ATP13A3: variants seen among roughly 807,000 people sequenced by gnomAD.
ATP13A3 encodes the protein ATPase 13A3.
ATP13A3 carries 59 observed loss-of-function variants against 158.1 expected under a neutral mutation model. The observed-to-expected ratio is 0.37, with a 90% CI of 0.30 to 0.46. The LOEUF (loss-of-function observed/expected upper bound fraction) is 0.46, where lower values mean the gene tolerates loss of function less well. ATP13A3 is among the 20% of genes least tolerant of loss of function. ATP13A3 has a pLI of 1.00. For missense variants in ATP13A3, 1,166 were observed against 1,525.2 expected, an observed-to-expected ratio of 0.76 and a Z score of 3.92; for synonymous variants, 491 against 504.3, an observed-to-expected ratio of 0.97 and a Z score of 0.35.
intron 2 of ATP13A3, among the ~76,000 whole-genome samples, chr3:194,473,784 C>T (rs774622860): frequency 1.5e-4 from 23 of 151,976 alleles, no homozygotes; most frequent in Non-Finnish European, 2.4e-4. Context: ...CCCACCTGAA[C>T]GTCCATCAAT....
In ATP13A3 at chr3:194,414,411, C is replaced by T. The variant is rs551088492; in HGVS notation, c.3403-572G>A. Among the ~76,000 whole-genome samples, 21 of 150,270 alleles carry T rather than the reference C, an allele frequency of 1.4e-4. No individual in the cohort carries two copies. In the South Asian group the frequency reaches 3.8e-3, roughly 27 times the overall value. ...CTGGGAAGTGGAGGCTGCAGTGAGCCGAGATCCTGCCACTGTACTCCAGCG... is the reference window on the plus strand; with the variant it reads ...CTGGGAAGTGGAGGCTGCAGTGAGCTGAGATCCTGCCACTGTACTCCAGCG... On this transcript the variant is annotated intron_variant, in intron 31 of 33. Coordinates refer to ENST00000645319, the MANE Select transcript of ATP13A3 (RefSeq NM_001367549.1).
At chr3:194,420,169 G>T in intron 30 of ATP13A3, 1 of 353,416 alleles carries the variant, frequency 2.8e-6, no homozygotes, top group Non-Finnish European at 4.7e-6. Flanking sequence ...CATACACAAC[G>T]TGATGTTATG....
chr3:194,424,402 C>T (rs936419878), intron 30 of ATP13A3: 11 of 151,718 alleles, frequency 7.3e-5, no homozygotes, highest in Non-Finnish European at 1.2e-4. Context: ...GTAATCTTAC[C>T]TGCACAAAAT....
chr3:194,476,299 T>C (rs906272920), intron 2 of ATP13A3, among the ~76,000 whole-genome samples: 5 of 152,180 alleles, frequency 3.3e-5, no homozygotes, highest in African/African-American at 1.2e-4. Context: ...ACCATCGCGA[T>C]GGCAACTACC....
intron 4 of ATP13A3, among the ~76,000 whole-genome samples, 199 bp from the exon 5 acceptor site, chr3:194,460,170 TTA>T (rs1373657676): frequency 1.3e-5 from 2 of 152,336 alleles, no homozygotes; most frequent in East Asian, 3.9e-4. Context: ...CTCATGGTTT[TTA>T]TGACATATTT....
At chr3:194,446,865 T>C (rs1718443144) in intron 14 of ATP13A3, 62 bp downstream of exon 14, 6 of 1,388,900 alleles carry the variant, frequency 4.3e-6, no homozygotes, top group Non-Finnish European at 5.8e-6. Flanking sequence ...ATAAAAAACA[T>C]TGATCTAAAT....
At chr3:194,463,620 C>T (rs1222063469) in intron 2 of ATP13A3, among the ~76,000 whole-genome samples, 3 of 152,152 alleles carry the variant, frequency 2.0e-5, no homozygotes, top group African/African-American at 7.2e-5. Context: ...TTACTGCCTT[C>T]GTTTCAGATC....
At position 194,437,191 on chromosome 3, in the gene ATP13A3, A is replaced by T; in HGVS notation, c.2024T>A (p.Leu675Ter). Residue 675 changes from leucine (L) to a stop codon, truncating the protein, a stop_gained, in exon 20 of 34, where the codon TTG (leucine) becomes TAG (stop). Coordinates refer to ENST00000645319, the MANE Select transcript of ATP13A3 (RefSeq NM_001367549.1). LOFTEE classifies it high-confidence loss of function. ...GAAGCCCTGTTTAGTGAAGTCTTCCAAAACGTTTTGAAAATCGACAGGAAC... is the reference window on the plus strand; with the variant it reads ...GAAGCCCTGTTTAGTGAAGTCTTCCTAAACGTTTTGAAAATCGACAGGAAC... ...ETVPVDFQNV[L>*]EDFTKQGFRV... The T allele has an allele frequency of 6.2e-7, 1 of 1,614,098 alleles. No homozygotes were observed. Among genetic ancestry groups the T allele is most frequent in the Non-Finnish European group, 8.5e-7 (1 of 1,179,936 alleles).
Position 194,402,724 on chromosome 3 carries a change from T to C in ATP13A3, c.*3195A>G, listed in dbSNP as rs1239633384. 6.6e-6 allele frequency: 1 copy of C among 152,192 alleles called. No individual in the cohort carries two copies. Among genetic ancestry groups the C allele is most frequent in the Non-Finnish European group, 1.5e-5 (1 of 68,038 alleles). The allele number at this position is 152,192 out of a possible 1,614,324, so 9.4% of individuals were successfully genotyped here. On this transcript the variant is annotated 3_prime_UTR_variant, in exon 34 of 34. Coordinates refer to ENST00000645319, the MANE Select transcript of ATP13A3 (RefSeq NM_001367549.1). ...TTTGAATAGCTTCAATCAAAAAAGG[T>C]TTCATAAGATTATTTACAATGCTGA...
chr3:194,475,471 G>C (rs1720484914), intron 2 of ATP13A3, among the ~76,000 whole-genome samples: 2 of 152,230 alleles, frequency 1.3e-5, no homozygotes, highest in Non-Finnish European at 2.9e-5. Flanking sequence ...TCAACTTTAA[G>C]TTACATGAAT....
At chr3:194,425,880 T>A (rs922639453) in intron 29 of ATP13A3, among the ~76,000 whole-genome samples, 20 of 152,180 alleles carry the variant, frequency 1.3e-4, no homozygotes, top group African/African-American at 4.8e-4. Context: ...TGAGGAAATA[T>A]TATTCACTCT....
chr3:194,441,784 CCT>C (rs1305015408), intron 15 of ATP13A3, among the ~76,000 whole-genome samples: 2 of 152,056 alleles, frequency 1.3e-5, no homozygotes, highest in African/African-American at 2.4e-5. Context: ...TGAAAGGATC[CCT>C]CTGACTCAGG....
At chr3:194,417,611 A>C (rs1288757102) in intron 31 of ATP13A3, among the ~76,000 whole-genome samples, 2 of 152,126 alleles carry the variant, frequency 1.3e-5, no homozygotes, top group East Asian at 3.9e-4. Flanking sequence ...AAACAACAAA[A>C]TATGGAGTCC....
intron 10 of ATP13A3, 131 bp from the exon 11 acceptor site, chr3:194,450,407 A>G (rs1718722340): frequency 1.2e-6 from 1 of 866,258 alleles, no homozygotes; most frequent in African/African-American, 1.7e-5. Flanking sequence ...AAAATCCAAC[A>G]AATGGCAAGT....
At chr3:194,429,295 T>C (rs972097647) in intron 27 of ATP13A3, among the ~76,000 whole-genome samples, 8 of 152,174 alleles carry the variant, frequency 5.3e-5, no homozygotes, top group South Asian at 2.1e-4. Flanking sequence ...ATATTCAACG[T>C]TGTAAATTAG....
chr3:194,462,009 G>T, intron 3 of ATP13A3, 131 bp downstream of exon 3: 2 of 788,874 alleles, frequency 2.5e-6, no homozygotes, highest in Non-Finnish European at 4.3e-6. Context: ...AAAAGCACAG[G>T]ATGAAGAAAG....
intron 19 of ATP13A3, 36 bp from the exon 20 acceptor site, chr3:194,437,251 T>C (rs544168279): frequency 3.7e-6 from 6 of 1,613,758 alleles, no homozygotes; most frequent in Admixed American, 1.7e-5. Context: ...ATTGTTAGAG[T>C]TGCTAATACA....
intron 33 of ATP13A3, among the ~76,000 whole-genome samples, chr3:194,410,320 A>AAAAAAAAC (rs1715295841): frequency 1.6e-5 from 2 of 125,952 alleles, no homozygotes; most frequent in African/African-American, 7.3e-5. Context: ...AAAAAAAAAA[A>AAAAAAAAC]AAAAAAAAAA....
In ATP13A3 at chr3:194,425,401, A is replaced by G. The variant is rs1317881156; in HGVS notation, c.3254T>C (p.Leu1085Pro). 1 of 1,613,432 alleles carries G rather than the reference A, an allele frequency of 6.2e-7. No homozygotes were observed. The highest frequency in any genetic ancestry group is 1.1e-5 in the South Asian group (1 of 90,830). The change falls in exon 30 of 34, where the codon CTC becomes CCC. Residue 1085 changes from leucine to proline, a missense_variant. Coordinates refer to ENST00000645319, the MANE Select transcript of ATP13A3 (RefSeq NM_001367549.1). ...TVFFISSFQY[L>P]IVAIAFSKGK... The stretch of plus-strand genomic sequence containing the variant: ...TTTTGAAAAGGCAATTGCCACTATG[A>G]GGTACTGAAAACTGGAAATAAAAAA...
Sources: allele counts gnomAD v4.1 joint callset (sites outside exome capture counted in the v4.1 genomes callset), GRCh38; gene constraint gnomAD v4.1.1; transcripts MANE v1.5; gene names NCBI Gene and HGNC (gene_info 2026-07-23, HGNC 2026-07-21).